PCDHA10: variants seen among roughly 807,000 people sequenced by gnomAD.
PCDHA10 encodes the protein protocadherin alpha 10, also known as protocadherin alpha-10.
In PCDHA10, 45 loss-of-function variants were observed where a neutral mutation model predicts 61.2. That is an observed-to-expected ratio of 0.74 (90% CI 0.58 to 0.94). The LOEUF (loss-of-function observed/expected upper bound fraction) is 0.94. Among genes scored for constraint, PCDHA10 ranks in the 40% least tolerant of loss-of-function variants. The probability of loss-of-function intolerance (pLI) is 0.00; values close to 1 mark genes in which losing one functional copy is unlikely to be tolerated. For synonymous variants in PCDHA10, 602 were observed against 548.8 expected, an observed-to-expected ratio of 1.10 and a Z score of -1.35; for missense variants, 1,278 against 1,236.2, an observed-to-expected ratio of 1.03 and a Z score of -0.51.
At chr5:140,937,798 G>A (rs782138454) in intron 1 of PCDHA10, among the ~76,000 whole-genome samples, 1 of 151,676 alleles carries the variant, frequency 6.6e-6, no homozygotes, top group African/African-American at 2.4e-5. Flanking sequence ...TGTAGTCCCA[G>A]CTACTCGGGA....
chr5:140,922,388 CT>C (rs1233800006), intron 1 of PCDHA10, among the ~76,000 whole-genome samples: 1 of 152,148 alleles, frequency 6.6e-6, no homozygotes, highest in Non-Finnish European at 1.5e-5. Flanking sequence ...CCAAAGACTC[CT>C]TGTTTTGGAT....
intron 1 of PCDHA10, chr5:140,868,284 G>A (rs1554161873): frequency 6.6e-6 from 1 of 152,004 alleles, no homozygotes; most frequent in Non-Finnish European, 1.5e-5. Flanking sequence ...TACCAAGTTT[G>A]AGAATATGAA....
In PCDHA10 at chr5:140,969,225, C is replaced by T. The variant is rs782766938; in HGVS notation, c.2389-9724C>T. 22 of 1,614,118 alleles carry T rather than the reference C, an allele frequency of 1.4e-5. No homozygotes were observed. Among genetic ancestry groups the T allele is most frequent in the East Asian group, 1.3e-4 (6 of 44,872 alleles). Reference sequence around the variant, plus strand: ...GGGGCCCAGACAGGACCAGGGCCTTCGGGAGCCCAAGCAGCAGTGACTGAC... The same window carrying T: ...GGGGCCCAGACAGGACCAGGGCCTTTGGGAGCCCAAGCAGCAGTGACTGAC... On this transcript the variant is annotated intron_variant, in intron 1 of 3. Coordinates refer to ENST00000307360, the MANE Select transcript of PCDHA10 (RefSeq NM_018901.4).
chr5:140,938,926 T>C (rs149516801), intron 1 of PCDHA10, among the ~76,000 whole-genome samples: 9 of 152,172 alleles, frequency 5.9e-5, no homozygotes, highest in Non-Finnish European at 1.2e-4. Context: ...AGAAATTGGC[T>C]TTTAACTTTC....
At chr5:140,959,343 C>T (rs1370310453) in intron 1 of PCDHA10, among the ~76,000 whole-genome samples, 1 of 152,052 alleles carries the variant, frequency 6.6e-6, no homozygotes, top group Admixed American at 6.6e-5. Context: ...CTACTGCACT[C>T]CAGCGGGACA....
intron 1 of PCDHA10, among the ~76,000 whole-genome samples, chr5:140,973,341 C>T (rs1323571061): frequency 6.6e-6 from 1 of 152,124 alleles, no homozygotes; most frequent in African/African-American, 2.4e-5. Flanking sequence ...TGTAAAGTGA[C>T]ATAGTAGTGA....
chr5:140,961,071 G>T (rs1344860284), intron 1 of PCDHA10, among the ~76,000 whole-genome samples: 1 of 152,208 alleles, frequency 6.6e-6, no homozygotes, highest in Non-Finnish European at 1.5e-5. Flanking sequence ...GATATCTGGA[G>T]TATCAAGTAA....
intron 1 of PCDHA10, chr5:140,870,813 C>T (rs568167153): frequency 1.2e-6 from 2 of 1,613,702 alleles, no homozygotes; most frequent in South Asian, 1.1e-5. Flanking sequence ...CTCAGGCTGG[C>T]AGCGCGGGAG....
intron 1 of PCDHA10, among the ~76,000 whole-genome samples, chr5:140,963,972 A>G (rs1233467161): frequency 2.0e-5 from 3 of 152,216 alleles, no homozygotes; most frequent in Non-Finnish European, 4.4e-5. Flanking sequence ...GACTGACTCC[A>G]AAGTCTATAT....
chr5:141,010,158 G>A lies in PCDHA10; in HGVS notation c.*221G>A. 6.4e-7 allele frequency: 1 copy of A among 1,570,690 alleles called. No homozygotes were observed. Among genetic ancestry groups the A allele is most frequent in the Non-Finnish European group, 8.6e-7 (1 of 1,156,884 alleles). On this transcript the variant is annotated 3_prime_UTR_variant, in exon 4 of 4. Coordinates refer to ENST00000307360, the MANE Select transcript of PCDHA10 (RefSeq NM_018901.4). Reference sequence around the variant, plus strand: ...TAACTCTTTCTCTCCACTCTGGCTTGTTTTCAGAACCTAAAAAGCAGACCC... The same window carrying A: ...TAACTCTTTCTCTCCACTCTGGCTTATTTTCAGAACCTAAAAAGCAGACCC...
chr5:140,926,705 G>A (rs1269250825), intron 1 of PCDHA10: 2 of 849,690 alleles, frequency 2.4e-6, no homozygotes, highest in Non-Finnish European at 3.3e-6. Context: ...GCTCCCAGCT[G>A]GCCAGCCCCG....
chr5:140,870,426 C>A (rs574302735), intron 1 of PCDHA10: 1 of 1,614,090 alleles, frequency 6.2e-7, no homozygotes, highest in Non-Finnish European at 8.5e-7. Context: ...CCAGGGTATC[C>A]GTGGAGGTGG....
chr5:140,873,275 T>C (rs1335407966), intron 1 of PCDHA10, among the ~76,000 whole-genome samples: 1 of 152,220 alleles, frequency 6.6e-6, no homozygotes, highest in Non-Finnish European at 1.5e-5. Context: ...TAAACCATCA[T>C]ACCACTTATG....
At chr5:140,879,878 T>C (rs1462304142) in intron 1 of PCDHA10, among the ~76,000 whole-genome samples, 1 of 152,198 alleles carries the variant, frequency 6.6e-6, no homozygotes, top group Non-Finnish European at 1.5e-5. Context: ...ATGGTCACAT[T>C]GCCTCCTCCT....
intron 1 of PCDHA10, among the ~76,000 whole-genome samples, chr5:140,918,743 A>T (rs1346660934): frequency 6.6e-6 from 1 of 152,196 alleles, no homozygotes; most frequent in Non-Finnish European, 1.5e-5. Flanking sequence ...CCCTTATAAA[A>T]GAGGCCCAGA....
chr5:140,978,974 G>T lies in PCDHA10; in HGVS notation c.2414G>T (p.Arg805Leu). ...RKPRQPNPDW[R>L]YSASLRAGMH... is the part of the protein sequence containing the mutation. ...CCACGACAGCCCAACCCTGACTGGC[G>T]TTACTCTGCCTCCCTGAGAGCAGGC... Residue 805 changes from arginine to leucine, a missense_variant, in exon 2 of 4, where the codon CGT becomes CTT. Arg to Leu is a moderately radical substitution (Grantham distance 102, BLOSUM62 -2). Coordinates refer to ENST00000307360, the MANE Select transcript of PCDHA10 (RefSeq NM_018901.4). 6.2e-7 allele frequency: 1 copy of T among 1,614,130 alleles called. No individual in the cohort carries two copies. Among genetic ancestry groups the T allele is most frequent in the East Asian group, 2.2e-5 (1 of 44,882 alleles).
intron 3 of PCDHA10, among the ~76,000 whole-genome samples, chr5:141,005,012 G>T (rs782256217): frequency 3.3e-5 from 5 of 152,212 alleles, no homozygotes; most frequent in Non-Finnish European, 4.4e-5. Context: ...CCTGAGAGCT[G>T]CATTATATAT....
intron 1 of PCDHA10, among the ~76,000 whole-genome samples, chr5:140,972,732 C>T (rs2096552874): frequency 1.3e-5 from 2 of 149,646 alleles, no homozygotes; most frequent in Non-Finnish European, 3.0e-5. Flanking sequence ...GGCGTAATCC[C>T]GGCTCACTGC....
chr5:140,955,922 GTTCA>G (rs1413540621), intron 1 of PCDHA10, among the ~76,000 whole-genome samples: 2 of 152,138 alleles, frequency 1.3e-5, no homozygotes, highest in African/African-American at 4.8e-5. Flanking sequence ...GTGAATGGGA[GTTCA>G]TTCATAATAT....
Sources: allele counts gnomAD v4.1 joint callset (sites outside exome capture counted in the v4.1 genomes callset), GRCh38; gene constraint gnomAD v4.1.1; transcripts MANE v1.5; gene names NCBI Gene and HGNC (gene_info 2026-07-23, HGNC 2026-07-21).